The following SLC36A1 variants were observed in gnomAD, a reference collection of about 807,000 sequenced individuals.
SLC36A1 encodes solute carrier family 36 member 1.
A neutral mutation model predicts 47.5 loss-of-function variants in SLC36A1; 30 were observed. The observed-to-expected ratio is 0.63, with a 90% CI of 0.47 to 0.86. The LOEUF (loss-of-function observed/expected upper bound fraction) is 0.86. Ranked by LOEUF, SLC36A1 falls within the 40% of genes least tolerant of loss-of-function variation. SLC36A1 has a pLI of 0.00. For missense variants in SLC36A1, 517 were observed against 606.0 expected (o/e 0.85, Z 1.54); for synonymous variants, 255 against 249.7 (o/e 1.02, Z -0.20).
At chr5:151,480,082 C>G (rs1370422520) in intron 10 of SLC36A1, 1 of 1,502,072 alleles carries the variant, frequency 6.7e-7, no homozygotes, top group East Asian at 2.5e-5. Flanking sequence ...GACAGGATAC[C>G]CTTCTGTTTG....
At chr5:151,522,229 A>AG in the SLC36A1 span, 1 of 622,890 alleles carries the variant, frequency 1.6e-6, no homozygotes, top group Non-Finnish European at 2.7e-6. Flanking sequence ...TGCATTTAGA[A>AG]AAAAAAAACC....
the SLC36A1 span, among the ~76,000 whole-genome samples, chr5:151,386,226 C>G: frequency 6.6e-6 from 1 of 151,966 alleles, no homozygotes; most frequent in African/African-American, 2.4e-5. Context: ...TCTTCAGGGT[C>G]CCCTACTGGC....
At chr5:151,441,700 TTCTA>T (rs1237590261) in intron 1 of SLC36A1, among the ~76,000 whole-genome samples, 3 of 152,212 alleles carry the variant, frequency 2.0e-5, no homozygotes, top group Non-Finnish European at 1.5e-5. Context: ...ATTTATATAT[TTCTA>T]TATTGTCTAA....
At chr5:151,518,348 C>CTAATAATAATAATAATAATAATAATAA in the SLC36A1 span, among the ~76,000 whole-genome samples, 28 of 101,440 alleles carry the variant, frequency 2.8e-4, no homozygotes, top group African/African-American at 7.9e-4. Flanking sequence ...GACCATGTCT[C>CTAATAATAATAATAATAATAATAATAA]TAATAATAAT....
At chr5:151,475,902 C>G (rs1325961080) in intron 8 of SLC36A1, among the ~76,000 whole-genome samples, 1 of 152,214 alleles carries the variant, frequency 6.6e-6, no homozygotes, top group African/African-American at 2.4e-5. Flanking sequence ...CTGCCATTTT[C>G]CCAATTCCTA....
chr5:151,401,110 T>C, the SLC36A1 span, among the ~76,000 whole-genome samples: 1 of 152,184 alleles, frequency 6.6e-6, no homozygotes, highest in Admixed American at 6.5e-5. Flanking sequence ...ATGCCTAGAA[T>C]GGTATTTCCT....
At chr5:151,417,450 A>C in the SLC36A1 span, among the ~76,000 whole-genome samples, 2 of 152,186 alleles carry the variant, frequency 1.3e-5, no homozygotes, top group African/African-American at 4.8e-5. Context: ...GGCCCTACCC[A>C]CGAAACCATT....
the SLC36A1 span, chr5:151,378,130 C>T: frequency 2.7e-5 from 9 of 333,208 alleles, no homozygotes; most frequent in Non-Finnish European, 5.3e-5. Context: ...ACATTGATGT[C>T]TCCATGCAAG....
chr5:151,347,793 C>T, the SLC36A1 span, among the ~76,000 whole-genome samples: 448 of 152,274 alleles, frequency 2.9e-3, 4 homozygotes, highest in African/African-American at 0.01. Context: ...AAGCCCTGTA[C>T]TAAGGGATAA....
chr5:151,502,325 T>A, the SLC36A1 span, among the ~76,000 whole-genome samples: 3 of 145,316 alleles, frequency 2.1e-5, no homozygotes, highest in Non-Finnish European at 4.4e-5. Flanking sequence ...AAAAAAAAGT[T>A]AAAAACCTAT....
At chr5:151,542,797 A>T in the SLC36A1 span, 24 of 1,614,230 alleles carry the variant, frequency 1.5e-5, no homozygotes, top group Non-Finnish European at 1.9e-5. Flanking sequence ...CAAGGACACC[A>T]CATCAGTGTT....
At chr5:151,450,421 A>G (rs1308625690) in intron 1 of SLC36A1, among the ~76,000 whole-genome samples, 5 of 151,628 alleles carry the variant, frequency 3.3e-5, no homozygotes, top group Non-Finnish European at 7.4e-5. Context: ...TGTAGAGTGG[A>G]TGGAGCAGAT....
chr5:151,519,110 A>G, the SLC36A1 span, among the ~76,000 whole-genome samples: 6 of 152,214 alleles, frequency 3.9e-5, no homozygotes, highest in African/African-American at 1.4e-4. Flanking sequence ...TTGGAAGGCC[A>G]AGACAGGCAG....
At chr5:151,359,891 A>G in the SLC36A1 span, among the ~76,000 whole-genome samples, 1 of 152,154 alleles carries the variant, frequency 6.6e-6, no homozygotes. Context: ...ATTCCATTGT[A>G]TGGGTATGCT....
chr5:151,367,374 T>TTTTTTTTTTTTTTTCC, the SLC36A1 span, among the ~76,000 whole-genome samples: 5 of 145,464 alleles, frequency 3.4e-5, no homozygotes, highest in African/African-American at 7.8e-5. Flanking sequence ...TTTTTTTTTT[T>TTTTTTTTTTTTTTTCC]CCCCAGGGTA....
At chr5:151,493,143 A>G (rs1006184193), downstream of SLC36A1, among the ~76,000 whole-genome samples, 1 of 152,134 alleles carries the variant, frequency 6.6e-6, no homozygotes, top group Non-Finnish European at 1.5e-5. Context: ...AAGAGATGAC[A>G]CCCCTTCCCT....
chr5:151,479,294 G>A, intron 9 of SLC36A1, 26 bp from the exon 10 acceptor site: 4 of 1,611,084 alleles, frequency 2.5e-6, no homozygotes, highest in Non-Finnish European at 3.4e-6. Flanking sequence ...GAGCAGGCTT[G>A]GAATGTCTCC....
chr5:151,428,935 C>A, the SLC36A1 span, among the ~76,000 whole-genome samples: 2,622 of 152,276 alleles, frequency 0.017, 39 homozygotes, highest in Non-Finnish European at 0.029. Flanking sequence ...ACCTGGCCGT[C>A]CGTCTGCTGC....
the SLC36A1 span, among the ~76,000 whole-genome samples, chr5:151,428,980 A>G: frequency 3.3e-5 from 5 of 152,140 alleles, no homozygotes; most frequent in African/African-American, 1.2e-4. Context: ...TCCTTGTGAA[A>G]TGGGTAAAGC....
Sources: allele counts gnomAD v4.1 joint callset (sites outside exome capture counted in the v4.1 genomes callset), GRCh38; gene constraint gnomAD v4.1.1; transcripts MANE v1.5; gene names NCBI Gene and HGNC (gene_info 2026-07-23, HGNC 2026-07-21).